PLCH1: variants seen among roughly 807,000 people sequenced by gnomAD.
PLCH1 encodes the protein 1-phosphatidylinositol 4,5-bisphosphate phosphodiesterase eta-1.
In PLCH1, 60 loss-of-function variants were observed where a neutral mutation model predicts 126.7. The ratio of observed to expected loss-of-function variants is 0.47; its 90% CI spans 0.38 to 0.59. PLCH1 has a LOEUF of 0.59. Ranked by LOEUF, PLCH1 falls within the 20% of genes least tolerant of loss-of-function variation. The pLI, the probability that PLCH1 is intolerant of heterozygous loss-of-function variation, is 0.00. For missense variants in PLCH1, 1,723 were observed against 2,040.0 expected (o/e 0.84, Z 2.99); for synonymous variants, 719 against 734.9 (o/e 0.98, Z 0.35).
At chr3:155,543,611 G>A (rs1377887519) in intron 10 of PLCH1, among the ~76,000 whole-genome samples, 5 of 152,206 alleles carry the variant, frequency 3.3e-5, no homozygotes, top group South Asian at 2.1e-4. Context: ...TTGAAATGAC[G>A]GAAAAAATGT....
intron 2 of PLCH1, among the ~76,000 whole-genome samples, chr3:155,683,404 A>C (rs951338247): frequency 6.6e-6 from 1 of 152,206 alleles, no homozygotes; most frequent in East Asian, 1.9e-4. Flanking sequence ...TAGACTCAGA[A>C]CTTGATTTCA....
At chr3:155,473,321 C>T (rs975008112) in intron 21 of PLCH1, among the ~76,000 whole-genome samples, 215 of 152,282 alleles carry the variant, frequency 1.4e-3, no homozygotes, top group Non-Finnish European at 2.4e-3. Flanking sequence ...ACCTCCCATT[C>T]ACAATTGCTT....
rs754062268 is a variant in PLCH1, at chr3:155,485,362, A to G, written c.2968T>C (p.Ser990Pro). The G allele has an allele frequency of 6.3e-7, 1 of 1,595,318 alleles. No homozygotes were observed. Among genetic ancestry groups the G allele is most frequent in the Non-Finnish European group, 8.6e-7 (1 of 1,164,284 alleles). Residue 990 changes from serine (S) to proline (P), a missense_variant, in exon 22 of 23, where the codon TCT (serine) becomes CCT (proline). This residue lies in a region of PLCH1 where 947 missense variants were observed against 977.1 expected (regional missense o/e 0.97). Coordinates refer to ENST00000460012, the MANE Select transcript of PLCH1 (RefSeq NM_014996.4). Reference sequence around the variant, plus strand: ...GAAACTTAAAGCATCTTACCTAGAGAGTTTTCTTTTCCTTCAATGTCTTTT... The same window carrying G: ...GAAACTTAAAGCATCTTACCTAGAGGGTTTTCTTTTCCTTCAATGTCTTTT... ...TAKDIEGKENSLAEDKDGRRK... is the reference protein window; with the variant it reads ...TAKDIEGKENPLAEDKDGRRK...
chr3:155,621,045 A>T (rs967889184), intron 2 of PLCH1, among the ~76,000 whole-genome samples: 3 of 152,170 alleles, frequency 2.0e-5, no homozygotes, highest in Non-Finnish European at 4.4e-5. Context: ...CCCCTCTGGG[A>T]CAAAGCTTCC....
chr3:155,586,722 G>T (rs753651557), intron 4 of PLCH1, among the ~76,000 whole-genome samples: 1 of 151,958 alleles, frequency 6.6e-6, no homozygotes, highest in Admixed American at 6.6e-5. Context: ...AGGGGCGGGG[G>T]GTGGTTCCCT....
intron 6 of PLCH1, among the ~76,000 whole-genome samples, chr3:155,571,942 T>G (rs1438645475): frequency 6.6e-6 from 1 of 152,232 alleles, no homozygotes; most frequent in Non-Finnish European, 1.5e-5. Context: ...CGTTGTACAC[T>G]GTGATTGTGT....
At chr3:155,563,243 G>A (rs2108504823) in intron 8 of PLCH1, among the ~76,000 whole-genome samples, 2 of 152,196 alleles carry the variant, frequency 1.3e-5, no homozygotes, top group East Asian at 1.9e-4. Flanking sequence ...CACATACCAA[G>A]TTCAGCATTT....
intron 11 of PLCH1, among the ~76,000 whole-genome samples, chr3:155,515,334 C>CT (rs1720175982): frequency 6.6e-6 from 1 of 152,208 alleles, no homozygotes; most frequent in Admixed American, 6.5e-5. Flanking sequence ...TTTTTGGAAA[C>CT]TAAGTTTTCT....
At chr3:155,549,605 A>G (rs936618427) in intron 10 of PLCH1, among the ~76,000 whole-genome samples, 182 bp downstream of exon 10, 1 of 152,192 alleles carries the variant, frequency 6.6e-6, no homozygotes, top group Non-Finnish European at 1.5e-5. Flanking sequence ...TCACTCAACA[A>G]TAAGCTTCTT....
At chr3:155,679,621 C>T (rs1744355270) in intron 2 of PLCH1, among the ~76,000 whole-genome samples, 1 of 152,150 alleles carries the variant, frequency 6.6e-6, no homozygotes, top group Non-Finnish European at 1.5e-5. Flanking sequence ...GAGATAAACT[C>T]GGAGTGAAAA....
At chr3:155,536,938 G>T (rs1269783616) in intron 10 of PLCH1, among the ~76,000 whole-genome samples, 2 of 152,034 alleles carry the variant, frequency 1.3e-5, no homozygotes. Flanking sequence ...GCATTAGGTA[G>T]TCTATAAAGA....
chr3:155,517,649 T>C (rs930116310), intron 11 of PLCH1, among the ~76,000 whole-genome samples: 25 of 152,186 alleles, frequency 1.6e-4, no homozygotes, highest in African/African-American at 6.0e-4. Flanking sequence ...GCCCACGTGG[T>C]TAACCCAGGA....
intron 10 of PLCH1, among the ~76,000 whole-genome samples, chr3:155,542,452 G>A (rs1235317185): frequency 2.0e-5 from 3 of 152,156 alleles, no homozygotes; most frequent in Non-Finnish European, 2.9e-5. Context: ...CCACCTCTGG[G>A]GGCAGGGCAC....
At chr3:155,486,594 G>A (rs1047788494) in intron 21 of PLCH1, among the ~76,000 whole-genome samples, 2 of 144,996 alleles carry the variant, frequency 1.4e-5, no homozygotes, top group African/African-American at 2.6e-5. Context: ...GCGCAATCTC[G>A]GCTCACTGCA....
intron 11 of PLCH1, among the ~76,000 whole-genome samples, chr3:155,517,368 T>A (rs1182526487): frequency 2.0e-5 from 3 of 152,176 alleles, no homozygotes; most frequent in Admixed American, 2.0e-4. Context: ...ACAAACCTGA[T>A]ATCTTAAAAC....
intron 3 of PLCH1, among the ~76,000 whole-genome samples, chr3:155,595,979 T>C: frequency 3.9e-5 from 1 of 25,724 alleles, no homozygotes; most frequent in Admixed American, 4.1e-4. Context: ...TCCAACTAAA[T>C]ATATATATAT....
chr3:155,564,695 G>A (rs1192880324), intron 8 of PLCH1, among the ~76,000 whole-genome samples: 1 of 152,048 alleles, frequency 6.6e-6, no homozygotes, highest in South Asian at 2.1e-4. Flanking sequence ...AGCAACTAAC[G>A]GTATGCTTCA....
intron 13 of PLCH1, among the ~76,000 whole-genome samples, chr3:155,503,912 T>G (rs1049326250): frequency 6.6e-6 from 1 of 152,260 alleles, no homozygotes; most frequent in Non-Finnish European, 1.5e-5. Context: ...TAGCAGATAC[T>G]GTGAAATAGT....
chr3:155,704,615 C>A (rs1480394427), intron 1 of PLCH1, among the ~76,000 whole-genome samples: 2 of 152,168 alleles, frequency 1.3e-5, no homozygotes, highest in African/African-American at 4.8e-5. Flanking sequence ...CTAGTCAACA[C>A]TGGTAACATT....
Sources: allele counts gnomAD v4.1 joint callset (sites outside exome capture counted in the v4.1 genomes callset), GRCh38; gene constraint gnomAD v4.1.1; regional missense constraint gnomAD v4.1.1; transcripts MANE v1.5; gene names NCBI Gene and HGNC (gene_info 2026-07-23, HGNC 2026-07-21).